Variants in TENM3 observed in about 807,000 individuals in gnomAD.
The protein encoded by TENM3 is teneurin transmembrane protein 3.
TENM3 carries 63 observed loss-of-function variants against 255.1 expected under a neutral mutation model. The observed-to-expected ratio is 0.25, with a 90% confidence interval of 0.20 to 0.30. The LOEUF (loss-of-function observed/expected upper bound fraction) is 0.30, where lower values mean the gene tolerates loss of function less well. TENM3 is among the 10% of genes least tolerant of loss of function. The pLI, the probability that TENM3 is intolerant of heterozygous loss-of-function variation, is 1.00. For synonymous variants in TENM3, 1,306 were observed against 1,322.3 expected (o/e 0.99, Z 0.27); for missense variants, 2,929 against 3,461.1 (o/e 0.85, Z 3.86).
chr4:182,627,936 C>T (rs890657385), intron 4 of TENM3, among the ~76,000 whole-genome samples: 1 of 152,072 alleles, frequency 6.6e-6, no homozygotes, highest in Non-Finnish European at 1.5e-5. Flanking sequence ...CCAGAATCTG[C>T]TTCACTGACC....
At chr4:182,659,771 GC>G (rs1754062441) in intron 6 of TENM3, among the ~76,000 whole-genome samples, 2 of 152,096 alleles carry the variant, frequency 1.3e-5, no homozygotes, top group Non-Finnish European at 2.9e-5. Flanking sequence ...TCAGTTCCTT[GC>G]CTAAGCCCCT....
chr4:181,640,030 T>TATC, the TENM3 span, among the ~76,000 whole-genome samples: 23 of 152,192 alleles, frequency 1.5e-4, no homozygotes, highest in African/African-American at 5.1e-4. Flanking sequence ...TACCCAAGTG[T>TATC]ATCAGCCACG....
At chr4:181,856,853 C>G in the TENM3 span, among the ~76,000 whole-genome samples, 1 of 152,188 alleles carries the variant, frequency 6.6e-6, no homozygotes, top group Non-Finnish European at 1.5e-5. Context: ...ACGGCAGCAC[C>G]TGGACAGAGT....
chr4:182,431,368 C>T (rs943497000), intron 3 of TENM3, among the ~76,000 whole-genome samples: 3 of 151,874 alleles, frequency 2.0e-5, no homozygotes. Context: ...GTGGCACATG[C>T]CTGTAGTCCC....
the TENM3 span, among the ~76,000 whole-genome samples, chr4:181,831,495 G>A: frequency 2.7e-4 from 7 of 25,870 alleles, no homozygotes; most frequent in Middle Eastern, 0.022. Context: ...CATTGCCTAT[G>A]TGCCAAAAAA....
chr4:182,387,045 A>G (rs563600500), intron 3 of TENM3, among the ~76,000 whole-genome samples: 1 of 152,270 alleles, frequency 6.6e-6, no homozygotes, highest in East Asian at 1.9e-4. Flanking sequence ...GAGTCTTTAT[A>G]TCTAGCTCAG....
the TENM3 span, among the ~76,000 whole-genome samples, chr4:181,891,634 C>T: frequency 6.6e-6 from 1 of 152,152 alleles, no homozygotes; most frequent in Non-Finnish European, 1.5e-5. Context: ...CCACTCTTGC[C>T]ATGTCAACTA....
intron 1 of TENM3, among the ~76,000 whole-genome samples, chr4:182,237,375 C>CTTTTTTTTTTTTTTTTTTT (rs57257112): frequency 6.8e-6 from 1 of 148,132 alleles, no homozygotes; most frequent in Non-Finnish European, 1.5e-5. Context: ...ATTCTGTTTT[C>CTTTTTTTTTTTTTTTTTTT]TTTTTTTTGA....
chr4:181,611,298 C>G, the TENM3 span, among the ~76,000 whole-genome samples: 57 of 152,184 alleles, frequency 3.7e-4, no homozygotes, highest in African/African-American at 1.4e-3. Flanking sequence ...TCTGGGCGTG[C>G]CGCAGACAAT....
At chr4:181,628,430 T>A in the TENM3 span, among the ~76,000 whole-genome samples, 1 of 152,190 alleles carries the variant, frequency 6.6e-6, no homozygotes, top group Non-Finnish European at 1.5e-5. Context: ...CTGAATGGTA[T>A]TGCCTAGGTT....
At chr4:181,612,490 ATGTGTGTGTGTGTG>A in the TENM3 span, among the ~76,000 whole-genome samples, 2 of 148,444 alleles carry the variant, frequency 1.3e-5, no homozygotes, top group African/African-American at 5.0e-5. Flanking sequence ...TTTGGTTAAG[ATGTGTGTGTGTGTG>A]TGTGTGTGTG....
At chr4:181,957,106 G>C in the TENM3 span, among the ~76,000 whole-genome samples, 1 of 152,152 alleles carries the variant, frequency 6.6e-6, no homozygotes. Context: ...TGACACGGCA[G>C]GATTCGATGT....
the TENM3 span, chr4:181,975,269 C>G: frequency 1.3e-5 from 2 of 151,974 alleles, no homozygotes; most frequent in South Asian, 4.1e-4. Flanking sequence ...TCCCGAGTAG[C>G]TGCGATTACA....
chr4:182,066,767 C>T, the TENM3 span, among the ~76,000 whole-genome samples: 36 of 151,914 alleles, frequency 2.4e-4, no homozygotes, highest in Admixed American at 1.0e-3. Flanking sequence ...AAAAATTAGC[C>T]GGGCGTGGTG....
the TENM3 span, among the ~76,000 whole-genome samples, chr4:181,682,357 C>T: frequency 3.9e-5 from 6 of 152,158 alleles, no homozygotes; most frequent in South Asian, 1.2e-3. Context: ...GTCTTTTTCT[C>T]CTTTAAGTAT....
At chr4:181,888,148 G>T in the TENM3 span, among the ~76,000 whole-genome samples, 1 of 151,950 alleles carries the variant, frequency 6.6e-6, no homozygotes, top group Non-Finnish European at 1.5e-5. Flanking sequence ...TCATGCTTCA[G>T]CCCCACAAGT....
At chr4:181,643,700 C>T in the TENM3 span, among the ~76,000 whole-genome samples, 1,590 of 152,298 alleles carry the variant, frequency 0.01, 30 homozygotes, top group African/African-American at 0.037. Context: ...AGATAAAGAA[C>T]TCTTTCAGCT....
the TENM3 span, among the ~76,000 whole-genome samples, chr4:181,558,431 C>A: frequency 1.3e-5 from 2 of 152,210 alleles, no homozygotes; most frequent in Admixed American, 6.5e-5. Context: ...TGCTAAAATA[C>A]AAATGTGGAT....
intron 1 of TENM3, among the ~76,000 whole-genome samples, chr4:182,245,297 A>C (rs1757567225): frequency 6.6e-6 from 1 of 152,180 alleles, no homozygotes; most frequent in Non-Finnish European, 1.5e-5. Context: ...GCTCTGTCTC[A>C]TGTGATGTAG....
Sources: allele counts gnomAD v4.1 joint callset (sites outside exome capture counted in the v4.1 genomes callset), GRCh38; gene constraint gnomAD v4.1.1; transcripts MANE v1.5; gene names NCBI Gene and HGNC (gene_info 2026-07-23, HGNC 2026-07-21).